FHIT: variants seen among roughly 807,000 people sequenced by gnomAD.
The protein encoded by FHIT is fragile histidine triad diadenosine triphosphatase, also known as bis(5'-adenosyl)-triphosphatase.
In FHIT, 19 loss-of-function variants were observed where a neutral mutation model predicts 17.9. The observed-to-expected ratio is 1.06, with a 90% CI of 0.74 to 1.56. The LOEUF (loss-of-function observed/expected upper bound fraction) is 1.56. Ranked by LOEUF, FHIT falls within the 40% of genes most tolerant of loss-of-function variation. The pLI, the probability that FHIT is intolerant of heterozygous loss-of-function variation, is 0.00. For synonymous variants in FHIT, 81 were observed against 69.7 expected (o/e 1.16, Z -0.81); for missense variants, 248 against 189.2 (o/e 1.31, Z -1.82).
chr3:60,082,230 T>C (rs958328257), intron 5 of FHIT, among the ~76,000 whole-genome samples: 22 of 134,406 alleles, frequency 1.6e-4, no homozygotes, highest in Non-Finnish European at 2.8e-4. Flanking sequence ...TAGTATTTGG[T>C]TTTCTGTTCC....
intron 2 of FHIT, among the ~76,000 whole-genome samples, chr3:61,102,364 T>C (rs1349050246): frequency 6.6e-6 from 1 of 152,234 alleles, no homozygotes; most frequent in Non-Finnish European, 1.5e-5. Flanking sequence ...CGTTTATTGA[T>C]TTGCGTATGT....
chr3:60,690,318 T>C, intron 4 of FHIT: 1 of 565,076 alleles, frequency 1.8e-6, no homozygotes, highest in South Asian at 1.4e-5. Context: ...TATCCATGCC[T>C]TCTTTCACCC....
intron 6 of FHIT, among the ~76,000 whole-genome samples, chr3:60,013,710 T>C (rs556673894): frequency 4.6e-5 from 7 of 152,200 alleles, no homozygotes; most frequent in Non-Finnish European, 1.0e-4. Context: ...AAAATGATTT[T>C]TCCAGTCCCA....
chr3:60,426,296 A>G (rs1223857676), intron 5 of FHIT, among the ~76,000 whole-genome samples: 1 of 152,158 alleles, frequency 6.6e-6, no homozygotes, highest in African/African-American at 2.4e-5. Flanking sequence ...TAAATGGGCA[A>G]AATACAATTG....
chr3:60,722,672 A>AAAAATCAT (rs1553708351), intron 4 of FHIT, among the ~76,000 whole-genome samples: 1 of 151,226 alleles, frequency 6.6e-6, no homozygotes, highest in Non-Finnish European at 1.5e-5. Context: ...CTCTTGGGGG[A>AAAAATCAT]AAAATCATAC....
At chr3:60,684,563 A>T (rs539738035) in intron 4 of FHIT, among the ~76,000 whole-genome samples, 1 of 152,076 alleles carries the variant, frequency 6.6e-6, no homozygotes, top group East Asian at 1.9e-4. Flanking sequence ...AGATTCCCTT[A>T]GTCTTCCCAA....
intron 3 of FHIT, among the ~76,000 whole-genome samples, chr3:60,894,182 C>G (rs573991597): frequency 1.8e-4 from 28 of 152,174 alleles, no homozygotes; most frequent in Non-Finnish European, 3.8e-4. Flanking sequence ...GACATTCATT[C>G]TTAACCTCGT....
chr3:61,179,227 C>T (rs1369778569), intron 2 of FHIT, among the ~76,000 whole-genome samples: 1 of 151,924 alleles, frequency 6.6e-6, no homozygotes, highest in Admixed American at 6.6e-5. Context: ...CCAGAATGGT[C>T]TTGATCCCCT....
intron 5 of FHIT, among the ~76,000 whole-genome samples, chr3:60,506,152 T>C (rs962307915): frequency 6.6e-6 from 1 of 152,196 alleles, no homozygotes; most frequent in African/African-American, 2.4e-5. Context: ...GAGCTTTCCA[T>C]GTTATTTTAC....
At chr3:59,830,064 C>G (rs1319350845) in intron 8 of FHIT, among the ~76,000 whole-genome samples, 1 of 151,924 alleles carries the variant, frequency 6.6e-6, no homozygotes, top group Admixed American at 6.6e-5. Flanking sequence ...TGACAGAGAC[C>G]CTGTCTCAAA....
At chr3:60,039,547 T>C (rs1362346994) in intron 5 of FHIT, among the ~76,000 whole-genome samples, 1 of 152,186 alleles carries the variant, frequency 6.6e-6, no homozygotes, top group East Asian at 1.9e-4. Context: ...CTAATTAAGG[T>C]ACAGATAATT....
chr3:60,062,047 AAATGAAATTCTTTCT>A (rs1363428206), intron 5 of FHIT, among the ~76,000 whole-genome samples: 1 of 152,214 alleles, frequency 6.6e-6, no homozygotes, highest in Non-Finnish European at 1.5e-5. Flanking sequence ...GCTGGGGAAG[AAATGAAATTCTTTCT>A]AACATCATGA....
At chr3:60,653,993 C>A (rs1553688969) in intron 4 of FHIT, among the ~76,000 whole-genome samples, 1 of 152,146 alleles carries the variant, frequency 6.6e-6, no homozygotes, top group Admixed American at 6.5e-5. Flanking sequence ...TGGGCTATTT[C>A]CTTGGTGACA....
At chr3:60,929,963 T>C (rs1470895950) in intron 3 of FHIT, among the ~76,000 whole-genome samples, 17 of 152,134 alleles carry the variant, frequency 1.1e-4, no homozygotes, top group African/African-American at 3.9e-4. Flanking sequence ...CTTCAAACTA[T>C]ACTACACAAG....
intron 4 of FHIT, among the ~76,000 whole-genome samples, chr3:60,585,687 G>A (rs1448508812): frequency 6.6e-6 from 1 of 151,956 alleles, no homozygotes; most frequent in African/African-American, 2.4e-5. Context: ...GTTTCTTTTT[G>A]AAACACACCT....
At chr3:60,044,197 G>A (rs1349697999) in intron 5 of FHIT, among the ~76,000 whole-genome samples, 1 of 152,162 alleles carries the variant, frequency 6.6e-6, no homozygotes, top group African/African-American at 2.4e-5. Context: ...TGGGTTTGCT[G>A]AATACAGTAG....
chr3:61,005,432 CTGGTGATGGTGA>C (rs113083968), intron 3 of FHIT, among the ~76,000 whole-genome samples: 1 of 151,820 alleles, frequency 6.6e-6, no homozygotes. Flanking sequence ...GGTGATGGTA[CTGGTGATGGTGA>C]TGGTGATGGT....
intron 5 of FHIT, among the ~76,000 whole-genome samples, chr3:60,130,745 GGTGT>G (rs371035618): frequency 2.4e-4 from 19 of 80,320 alleles, no homozygotes; most frequent in Admixed American, 6.3e-4. Context: ...ACTGAATAGG[GGTGT>G]GTGTGTGTGT....
chr3:60,983,384 C>A (rs2107560693), intron 3 of FHIT, among the ~76,000 whole-genome samples: 1 of 152,262 alleles, frequency 6.6e-6, no homozygotes. Context: ...GATGTCAGAT[C>A]TCCAGGACCC....
Sources: allele counts gnomAD v4.1 joint callset (sites outside exome capture counted in the v4.1 genomes callset), GRCh38; gene constraint gnomAD v4.1.1; transcripts MANE v1.5; gene names NCBI Gene and HGNC (gene_info 2026-07-23, HGNC 2026-07-21).